Variants in FSIP2 observed in about 807,000 individuals in gnomAD.
FSIP2 encodes the protein fibrous sheath interacting protein 2, also known as fibrous sheath-interacting protein 2.
A neutral mutation model predicts 510.5 loss-of-function variants in FSIP2; 367 were observed. The ratio of observed to expected loss-of-function variants is 0.72; its 90% confidence interval spans 0.66 to 0.78. The LOEUF is 0.78. FSIP2 is among the 30% of genes least tolerant of loss of function. The pLI, the probability that FSIP2 is intolerant of heterozygous loss-of-function variation, is 0.00. For missense variants in FSIP2, 7,594 were observed against 7,901.7 expected (o/e 0.96, Z 1.48); for synonymous variants, 2,601 against 2,732.2 (o/e 0.95, Z 1.50).
intron 5 of FSIP2, 51 bp downstream of exon 5, chr2:185,745,619 A>C (rs1692014228): frequency 7.0e-7 from 1 of 1,422,610 alleles, no homozygotes; most frequent in Admixed American, 2.4e-5. Flanking sequence ...GACCCAAATA[A>C]GCTGGAAAAT....
At chr2:185,778,070 A>C (rs1025214755) in intron 13 of FSIP2, among the ~76,000 whole-genome samples, 2 of 152,042 alleles carry the variant, frequency 1.3e-5, no homozygotes, top group Admixed American at 1.3e-4. Flanking sequence ...TTTAGCAAGT[A>C]ACTGCTTTTT....
chr2:185,807,933 G>A lies in FSIP2; in HGVS notation c.18627G>A (p.Met6209Ile), dbSNP rs1459596126. 2 of 1,603,740 alleles carry A rather than the reference G, an allele frequency of 1.2e-6. No homozygotes were observed. The highest frequency in any genetic ancestry group is 2.2e-5 in the East Asian group (1 of 44,556). The change falls in exon 17 of 23, where the codon ATG becomes ATA. Residue 6209 changes from methionine to isoleucine, a missense_variant. Coordinates refer to ENST00000424728, the MANE Select transcript of FSIP2 (RefSeq NM_173651.4). The stretch of plus-strand genomic sequence containing the variant: ...GAACAAAATCTCTAGAGACTGATAT[G>A]CAAAAAATAACTTCAAAAGTACTAA... ...KERTKSLETD[M>I]QKITSKVLNS... is the part of the protein sequence containing the mutation.
intron 19 of FSIP2, among the ~76,000 whole-genome samples, chr2:185,822,839 A>G (rs1693948682): frequency 6.6e-6 from 1 of 151,930 alleles, no homozygotes; most frequent in South Asian, 2.1e-4. Context: ...ACAGTGTGAT[A>G]CTGATATAAA....
chr2:185,787,171 AGGT>A, intron 15 of FSIP2, among the ~76,000 whole-genome samples: 1 of 151,892 alleles, frequency 6.6e-6, no homozygotes, highest in Admixed American at 6.6e-5. Context: ...ATAAACATTT[AGGT>A]ATGATTCTTA....
At chr2:185,783,571 AC>A (rs1220846547) in intron 14 of FSIP2, 1 of 152,124 alleles carries the variant, frequency 6.6e-6, no homozygotes, top group Non-Finnish European at 1.5e-5. Context: ...TTACTTTAAG[AC>A]TGATAAATAT....
rs1693251415 is a variant in FSIP2 at position 185,795,656 on chromosome 2, G to T, written c.8520G>T (p.Leu2840Phe). The T allele has an allele frequency of 6.5e-7, 1 of 1,534,058 alleles. No homozygotes were observed. The highest frequency in any genetic ancestry group is 8.7e-7 in the Non-Finnish European group (1 of 1,145,668). Reference protein sequence around the residue: ...IFPREGIFKKLFDKWQTESND... With the variant: ...IFPREGIFKKFFDKWQTESND... Reference sequence around the variant, plus strand: ...CTAGAGAAGGTATATTTAAAAAATTGTTTGACAAGTGGCAAACAGAATCAA... The same window carrying T: ...CTAGAGAAGGTATATTTAAAAAATTTTTTGACAAGTGGCAAACAGAATCAA... The change falls in exon 16 of 23, where the codon TTG becomes TTT. Residue 2840 changes from leucine (L) to phenylalanine (F), a missense_variant. Transcript: ENST00000424728.
intron 2 of FSIP2, among the ~76,000 whole-genome samples, chr2:185,741,435 A>G (rs865884560): frequency 5.3e-5 from 8 of 152,332 alleles, no homozygotes; most frequent in African/African-American, 1.2e-4. Flanking sequence ...GGATTTGTTT[A>G]AAAGTGTTCT....
At chr2:185,763,783 A>G (rs2105561282) in intron 12 of FSIP2, among the ~76,000 whole-genome samples, 1 of 151,730 alleles carries the variant, frequency 6.6e-6, no homozygotes, top group South Asian at 2.1e-4. Flanking sequence ...GAAATGTACT[A>G]AATTATTTCC....
chr2:185,770,442 G>A (rs948531128), intron 13 of FSIP2, among the ~76,000 whole-genome samples: 1 of 152,134 alleles, frequency 6.6e-6, no homozygotes, highest in African/African-American at 2.4e-5. Flanking sequence ...CATGGCAGAA[G>A]GTGAAGGGGA....
intron 2 of FSIP2, 38 bp from the exon 3 acceptor site, chr2:185,743,095 T>C: frequency 7.8e-7 from 1 of 1,281,204 alleles, no homozygotes; most frequent in South Asian, 1.6e-5. Context: ...AAAGTGAAAA[T>C]GCATTAATTT....
At position 185,789,828 on chromosome 2, in the gene FSIP2, C is replaced by T; in HGVS notation, c.2692C>T (p.Gln898Ter). 4 of 1,532,812 alleles carry T rather than the reference C, an allele frequency of 2.6e-6. No individual in the cohort carries two copies. The South Asian group carries it at 3.6e-5, about 14-fold the overall frequency. 95.0% of individuals were successfully genotyped at this position (1,532,812 alleles called of 1,614,324 possible). A position where few individuals can be genotyped will look rare whatever the true frequency, so the allele number is the denominator to read the frequency against. ...AAATTTAATATCAAATATTTTTTCC[C>T]AGTCTTCTTTGGTTGCTTATATAGA... Reference protein sequence around the residue: ...VQNLISNIFSQSSLVAYIEEA... With the variant: ...VQNLISNIFS Residue 898 changes from glutamine (Q) to a stop codon, truncating the protein, a stop_gained, in exon 16 of 23, where the codon CAG (glutamine) becomes TAG (stop). Transcript: ENST00000424728. LOFTEE classifies it high-confidence loss of function.
At position 185,816,186 on chromosome 2, in the gene FSIP2, A is replaced by T. The variant is rs142115356; in HGVS notation, c.20426+715A>T. ...GGGGAGAAGTACTCATGTTATACAC[A>T]GAAAAATCTAGTGATTTTTTTTTTT... On this transcript the variant is annotated intron_variant, in intron 19 of 22. Transcript: ENST00000424728. 2.3e-3 allele frequency among the ~76,000 whole-genome samples: 271 copies of T among 118,652 alleles called. 2 individuals are homozygous for T. The highest frequency in any genetic ancestry group is 8.4e-3 in the African/African-American group (263 of 31,418). 77.8% of individuals were successfully genotyped at this position (118,652 alleles called of 152,430 possible).
intron 7 of FSIP2, among the ~76,000 whole-genome samples, chr2:185,750,735 T>C (rs964242614): frequency 2.0e-5 from 3 of 151,302 alleles, no homozygotes; most frequent in African/African-American, 7.3e-5. Flanking sequence ...TCTAAGTTTT[T>C]CCCTAACACT....
At chr2:185,823,121 A>G (rs1205309627) in intron 19 of FSIP2, among the ~76,000 whole-genome samples, 2 of 151,904 alleles carry the variant, frequency 1.3e-5, no homozygotes, top group Non-Finnish European at 1.5e-5. Context: ...AAGACATGGG[A>G]AAAAGGCTTC....
rs149291748 is a variant in FSIP2 at position 185,801,525 on chromosome 2, C to T, written c.12219C>T (p.Ala4073=). 2.8e-4 allele frequency: 423 copies of T among 1,533,958 alleles called. 2 individuals carry two copies. The East Asian group carries it at 9.8e-3, about 36-fold the overall frequency. The change falls in exon 17 of 23, where the codon GCC becomes GCT. Residue 4073 remains alanine, a synonymous_variant. Coordinates refer to ENST00000424728, the MANE Select transcript of FSIP2 (RefSeq NM_173651.4). ...ACGNNPVYDN[A]SIAEQITNGI... ...GTAATAATCCGGTATACGACAATGC[C>T]TCAATAGCAGAACAAATAACAAATG...
rs1244237021 is a variant in FSIP2 at position 185,780,478 on chromosome 2, A to ATT, written c.1412-2226_1412-2225dup. 1.3e-3 allele frequency among the ~76,000 whole-genome samples: 204 copies of ATT among 151,636 alleles called. 2 individuals carry two copies. The highest frequency in any genetic ancestry group is 0.013 in the Admixed American group (203 of 15,248). On this transcript the variant is annotated intron_variant, in intron 13 of 22. Coordinates refer to ENST00000424728, the MANE Select transcript of FSIP2 (RefSeq NM_173651.4). ...GCTTTGTAAAATTGAACTATGGTAT[A>ATT]TTATATATATAAAATACAATTTCTA...
chr2:185,791,958 A>G lies in FSIP2; in HGVS notation c.4822A>G (p.Asn1608Asp). Reference sequence around the variant, plus strand: ...ACATTTAGAAATTTTGGGTGCTATTAATGATGGAAATAAGAAAAGCAATAA... The same window carrying G: ...ACATTTAGAAATTTTGGGTGCTATTGATGATGGAAATAAGAAAAGCAATAA... ...NGHLEILGAI[N>D]DGNKKSNKIG... The change falls in exon 16 of 23, where the codon AAT (asparagine) becomes GAT (aspartate). Residue 1608 changes from asparagine to aspartate, a missense_variant. Transcript: ENST00000424728. 6.5e-7 allele frequency: 1 copy of G among 1,533,404 alleles called. No individual in the cohort carries two copies. The highest frequency in any genetic ancestry group is 8.7e-7 in the Non-Finnish European group (1 of 1,144,892). 95.0% of individuals were successfully genotyped at this position (1,533,404 alleles called of 1,614,324 possible).
At chr2:185,814,855 T>C (rs1167238962) in intron 18 of FSIP2, among the ~76,000 whole-genome samples, 1 of 152,080 alleles carries the variant, frequency 6.6e-6, no homozygotes, top group Non-Finnish European at 1.5e-5. Flanking sequence ...GATGAGGCCA[T>C]TCTCTTGATT....
At position 185,805,650 on chromosome 2, in the gene FSIP2, T is replaced by C. The variant is rs1385876181; in HGVS notation, c.16344T>C (p.Asp5448=). ...QLSLPDQSYK[D]TSSTPDCKNM... is the part of the protein sequence containing the mutation. ...CTTTACCAGATCAATCATATAAAGA[T>C]ACTTCTTCCACCCCAGATTGCAAAA... is the stretch of plus-strand genomic sequence containing the variant. The change falls in exon 17 of 23, where the codon GAT becomes GAC. Residue 5448 remains aspartate, a synonymous_variant. Transcript: ENST00000424728. 1 of 1,610,696 alleles carries C rather than the reference T, an allele frequency of 6.2e-7. No homozygotes were observed. Among genetic ancestry groups the C allele is most frequent in the Non-Finnish European group, 8.5e-7 (1 of 1,178,428 alleles).
Sources: allele counts gnomAD v4.1 joint callset (sites outside exome capture counted in the v4.1 genomes callset), GRCh38; gene constraint gnomAD v4.1.1; transcripts MANE v1.5; gene names NCBI Gene and HGNC (gene_info 2026-07-23, HGNC 2026-07-21).